The following CNTLN variants were observed in gnomAD, a reference collection of about 807,000 sequenced individuals.
CNTLN encodes the protein centlein, centrosomal protein.
CNTLN carries 212 observed loss-of-function variants against 180.0 expected under a neutral mutation model. The observed-to-expected ratio is 1.18, with a 90% confidence interval of 1.05 to 1.32. The LOEUF (loss-of-function observed/expected upper bound fraction) is 1.32. Among genes scored for constraint, CNTLN ranks in the 40% most tolerant of loss-of-function variants. The pLI is 0.00. For synonymous variants in CNTLN, 722 were observed against 563.1 expected (o/e 1.28, Z -3.99); for missense variants, 2,095 against 1,610.9 (o/e 1.30, Z -5.14).
chr9:17,189,478 G>C (rs554789833), intron 2 of CNTLN, among the ~76,000 whole-genome samples: 1 of 147,902 alleles, frequency 6.8e-6, no homozygotes, highest in Non-Finnish European at 1.5e-5. Flanking sequence ...TAAGCTTTTT[G>C]TTGTTGTTTT....
chr9:17,235,805 G>A lies in CNTLN; in HGVS notation c.669+13G>A. ...TCAAGAAATTAAGGTGTGTTGACTT[G>A]TACATAGTTTTGTGGGACTGTTGCT... On this transcript the variant is annotated intron_variant, in intron 4 of 25. Coordinates refer to ENST00000380647, the MANE Select transcript of CNTLN (RefSeq NM_017738.4). 1 of 1,587,334 alleles carries A rather than the reference G, an allele frequency of 6.3e-7. No individual in the cohort carries two copies. Among genetic ancestry groups the A allele is most frequent in the Non-Finnish European group, 8.5e-7 (1 of 1,171,854 alleles).
At chr9:17,369,410 A>G (rs551478762) in intron 13 of CNTLN, among the ~76,000 whole-genome samples, 2 of 152,176 alleles carry the variant, frequency 1.3e-5, no homozygotes, top group South Asian at 4.2e-4. Context: ...ACATGACTTC[A>G]TCAAACAAAC....
At chr9:17,284,002 A>G (rs1420169746) in intron 6 of CNTLN, among the ~76,000 whole-genome samples, 1 of 149,010 alleles carries the variant, frequency 6.7e-6, no homozygotes, top group African/African-American at 2.5e-5. Flanking sequence ...GTTTGCCAGT[A>G]TTTTATTGAG....
chr9:17,470,032 G>GTA (rs1256698023), intron 23 of CNTLN, among the ~76,000 whole-genome samples: 1 of 151,914 alleles, frequency 6.6e-6, no homozygotes, highest in African/African-American at 2.4e-5. Flanking sequence ...AGCAGTAGTA[G>GTA]TATGGCTCTG....
At chr9:17,511,006 G>T in the CNTLN span, among the ~76,000 whole-genome samples, 1 of 152,198 alleles carries the variant, frequency 6.6e-6, no homozygotes, top group African/African-American at 2.4e-5. Flanking sequence ...ATGTCTGAGA[G>T]ATGAAGTTGG....
At chr9:17,193,942 G>C (rs560071424) in intron 2 of CNTLN, among the ~76,000 whole-genome samples, 27 of 152,312 alleles carry the variant, frequency 1.8e-4, no homozygotes, top group Admixed American at 1.2e-3. Context: ...GCACTTGCAG[G>C]CTCAGCACCA....
intron 6 of CNTLN, among the ~76,000 whole-genome samples, chr9:17,285,110 C>A (rs964582627): frequency 2.0e-5 from 3 of 149,268 alleles, no homozygotes; most frequent in African/African-American, 7.4e-5. Flanking sequence ...CCCACTAACT[C>A]GTCATCTAGC....
chr9:17,402,274 G>A (rs1889114), intron 15 of CNTLN, among the ~76,000 whole-genome samples: 68,461 of 151,618 alleles, frequency 0.45, 17,306 homozygotes, highest in Non-Finnish European at 0.56. Context: ...CTCAAGGATA[G>A]CATCTACAAT....
At chr9:17,325,567 A>ACACACACACACACG (rs1563995774) in intron 8 of CNTLN, among the ~76,000 whole-genome samples, 18 of 140,896 alleles carry the variant, frequency 1.3e-4, no homozygotes, top group African/African-American at 4.3e-4. Context: ...ACACACACAC[A>ACACACACACACACG]CACACACACG....
chr9:17,285,183 T>G (rs1563956809), intron 6 of CNTLN, among the ~76,000 whole-genome samples: 2 of 120,326 alleles, frequency 1.7e-5, no homozygotes, highest in Non-Finnish European at 1.6e-5. Flanking sequence ...GTCCCCAGAG[T>G]GTGATATTCC....
In CNTLN at chr9:17,255,711, T is replaced by A. The variant is rs147136653; in HGVS notation, c.850-18022T>A. Reference sequence around the variant, plus strand: ...TTGAAAATACTCTCCGTACTTCAGTTATTGGTAGAGTTTGAGGAGGATTGG... The same window carrying A: ...TTGAAAATACTCTCCGTACTTCAGTAATTGGTAGAGTTTGAGGAGGATTGG... On this transcript the variant is annotated intron_variant, in intron 5 of 25. Coordinates refer to ENST00000380647, the MANE Select transcript of CNTLN (RefSeq NM_017738.4). Among the ~76,000 whole-genome samples, 15 of 151,882 alleles carry A rather than the reference T, an allele frequency of 9.9e-5. No individual in the cohort carries two copies. In the East Asian group the frequency reaches 2.9e-3, roughly 30 times the overall value.
intron 2 of CNTLN, among the ~76,000 whole-genome samples, chr9:17,194,049 C>T (rs1821963164): frequency 6.6e-6 from 1 of 152,194 alleles, no homozygotes; most frequent in Admixed American, 6.5e-5. Flanking sequence ...AGCTGGGACA[C>T]AGGGCACCAA....
chr9:17,402,593 C>T (rs1827068114), intron 15 of CNTLN, among the ~76,000 whole-genome samples: 1 of 151,740 alleles, frequency 6.6e-6, no homozygotes, highest in South Asian at 2.1e-4. Flanking sequence ...AGCACATTGT[C>T]CTCCAGCATG....
At chr9:17,268,381 G>C (rs752449939) in intron 5 of CNTLN, among the ~76,000 whole-genome samples, 11 of 152,164 alleles carry the variant, frequency 7.2e-5, no homozygotes, top group Admixed American at 2.0e-4. Flanking sequence ...GCTGCTGCCT[G>C]ATCGTTCCTC....
rs1828362029 is a variant in CNTLN at position 17,277,094 on chromosome 9, TCC to T, written c.983+3229_983+3230del. ...TGGAGCTACTGTTTCTGTATGGATTTCCTTCTTTGAAGTTCATAGTCATTTAT... is the reference window on the plus strand; with the variant it reads ...TGGAGCTACTGTTTCTGTATGGATTTTTCTTTGAAGTTCATAGTCATTTAT... On this transcript the variant is annotated intron_variant, in intron 6 of 25. Coordinates refer to ENST00000380647, the MANE Select transcript of CNTLN (RefSeq NM_017738.4). 4.4e-5 allele frequency among the ~76,000 whole-genome samples: 6 copies of T among 137,104 alleles called. 1 individual carries two copies. Among genetic ancestry groups the T allele is most frequent in the African/African-American group, 5.5e-5 (2 of 36,414 alleles). 89.9% of individuals were successfully genotyped at this position (137,104 alleles called of 152,430 possible). A position where few individuals can be genotyped will look rare whatever the true frequency, so the allele number is the denominator to read the frequency against.
At chr9:17,262,326 A>G (rs1827056112) in intron 5 of CNTLN, among the ~76,000 whole-genome samples, 1 of 151,644 alleles carries the variant, frequency 6.6e-6, no homozygotes, top group Non-Finnish European at 1.5e-5. Flanking sequence ...GAACCAACCC[A>G]AATGCCCATC....
At chr9:17,233,486 ATT>A (rs1554664398) in intron 3 of CNTLN, among the ~76,000 whole-genome samples, 2 of 152,160 alleles carry the variant, frequency 1.3e-5, no homozygotes, top group Non-Finnish European at 2.9e-5. Context: ...AATGCCACTT[ATT>A]GTAACTAAAT....
chr9:17,159,446 C>G (rs187545729), intron 2 of CNTLN, among the ~76,000 whole-genome samples: 2 of 152,250 alleles, frequency 1.3e-5, no homozygotes, highest in Admixed American at 1.3e-4. Context: ...GCCTAAGGTT[C>G]TCTTGGCTTG....
At chr9:17,407,970 A>T (rs1827528295) in intron 15 of CNTLN, among the ~76,000 whole-genome samples, 1 of 151,828 alleles carries the variant, frequency 6.6e-6, no homozygotes, top group African/African-American at 2.4e-5. Flanking sequence ...TCCTAAAAAT[A>T]CAAAAAATTA....
Sources: gnomAD v4.1 joint callset for allele counts (sites outside exome capture counted in the v4.1 genomes callset) on GRCh38, gnomAD v4.1.1 for gene constraint, MANE v1.5 for transcripts, NCBI Gene and HGNC (gene_info 2026-07-23, HGNC 2026-07-21) for gene names.